Variants in NHEJ1 observed in about 807,000 individuals in gnomAD.
NHEJ1 encodes the protein non-homologous end joining factor 1.
NHEJ1 carries 22 observed loss-of-function variants against 39.4 expected under a neutral mutation model. That is an observed-to-expected ratio of 0.56 (90% CI 0.40 to 0.80). NHEJ1 has a LOEUF of 0.80. NHEJ1 is among the 30% of genes least tolerant of loss of function. NHEJ1 has a pLI of 0.00. For missense variants in NHEJ1, 329 were observed against 357.1 expected (o/e 0.92, Z 0.63); for synonymous variants, 154 against 135.6 (o/e 1.14, Z -0.94).
chr2:219,153,357 T>C (rs1024426244), intron 3 of NHEJ1, among the ~76,000 whole-genome samples: 4 of 152,212 alleles, frequency 2.6e-5, no homozygotes, highest in Admixed American at 2.6e-4. Flanking sequence ...TTCCAAAACC[T>C]ATCTCTTTCT....
intron 5 of NHEJ1, among the ~76,000 whole-genome samples, chr2:219,126,703 T>C (rs1346491162): frequency 6.6e-6 from 1 of 152,134 alleles, no homozygotes; most frequent in Non-Finnish European, 1.5e-5. Context: ...ACAGTGTTGA[T>C]ATGGCCTACG....
intron 5 of NHEJ1, among the ~76,000 whole-genome samples, chr2:219,109,315 C>T (rs1351926788): frequency 6.6e-6 from 1 of 152,150 alleles, no homozygotes; most frequent in Non-Finnish European, 1.5e-5. Flanking sequence ...CAATTCCCAG[C>T]CCCAAATGGT....
chr2:219,158,225 A>G lies in NHEJ1; in HGVS notation c.138T>C (p.His46=). 3 of 1,614,186 alleles carry G rather than the reference A, an allele frequency of 1.9e-6. No individual in the cohort carries two copies. Among genetic ancestry groups the G allele is most frequent in the East Asian group, 2.2e-5 (1 of 44,890 alleles). The change falls in exon 2 of 8, where the codon CAT becomes CAC. Residue 46 remains histidine, a synonymous_variant. Coordinates refer to ENST00000356853, the MANE Select transcript of NHEJ1 (RefSeq NM_024782.3). ...LLVSDLQQVW[H]EQVDTSVVSQ... Reference sequence around the variant, plus strand: ...TGACCACACTAGTGTCCACCTGTTCATGCCACACCTGTTGAAGATCTGAAA... The same window carrying G: ...TGACCACACTAGTGTCCACCTGTTCGTGCCACACCTGTTGAAGATCTGAAA...
At position 219,073,414 on chromosome 2, in the gene NHEJ1, G is replaced by C. The variant is rs991284795; in HGVS notation, c.*2967C>G. Among the ~76,000 whole-genome samples the C allele has an allele frequency of 1.3e-5, 2 of 152,160 alleles. No homozygotes were observed. The highest frequency in any genetic ancestry group is 2.4e-5 in the African/African-American group (1 of 41,434). ...TCTTTTAGGACCCAGCCTGAGCTCTGCTTTTAAGGGTTGCTGGGGAAGCCC... is the reference window on the plus strand; with the variant it reads ...TCTTTTAGGACCCAGCCTGAGCTCTCCTTTTAAGGGTTGCTGGGGAAGCCC... On this transcript the variant is annotated 3_prime_UTR_variant, in exon 8 of 8. Coordinates refer to ENST00000356853, the MANE Select transcript of NHEJ1 (RefSeq NM_024782.3).
rs146038524 is a variant in NHEJ1, at chr2:219,148,876, A to C, written c.391-1081T>G. Among the ~76,000 whole-genome samples, 37 of 151,124 alleles carry C rather than the reference A, an allele frequency of 2.4e-4. No homozygotes were observed. The East Asian group carries it at 6.6e-3, about 27-fold the overall frequency. On this transcript the variant is annotated intron_variant, in intron 3 of 7. Transcript: ENST00000356853. ...GAAGGTATAAGCCAACGCACTCTAC[A>C]CACAACCCCCCCTTTTTTTTTTTTG...
intron 5 of NHEJ1, among the ~76,000 whole-genome samples, chr2:219,144,526 G>C (rs561763729): frequency 6.6e-6 from 1 of 152,230 alleles, no homozygotes; most frequent in East Asian, 1.9e-4. Flanking sequence ...CTGACATCTA[G>C]AAGATTAATA....
At chr2:219,110,014 T>C (rs1430462919) in intron 5 of NHEJ1, among the ~76,000 whole-genome samples, 2 of 152,208 alleles carry the variant, frequency 1.3e-5, no homozygotes. Context: ...ATTGGGTATG[T>C]ACCCCCTATG....
chr2:219,123,603 G>C (rs1362952008), intron 5 of NHEJ1, among the ~76,000 whole-genome samples: 2 of 152,210 alleles, frequency 1.3e-5, no homozygotes, highest in Non-Finnish European at 2.9e-5. Context: ...GGCAGGTTAA[G>C]TAACCCCATG....
intron 5 of NHEJ1, among the ~76,000 whole-genome samples, chr2:219,095,102 G>A (rs1010353847): frequency 5.9e-5 from 9 of 152,162 alleles, no homozygotes; most frequent in Non-Finnish European, 1.0e-4. Flanking sequence ...CAAGGTATGT[G>A]GAAGACTGTA....
Position 219,073,272 on chromosome 2 carries a change from AT to A in NHEJ1, c.*3108del. Among the ~76,000 whole-genome samples, 1 of 152,332 alleles carries A rather than the reference AT, an allele frequency of 6.6e-6. No homozygotes were observed. The highest frequency in any genetic ancestry group is 2.1e-4 in the South Asian group (1 of 4,828). The stretch of plus-strand genomic sequence containing the variant: ...TTCGCTTCTCAGGAATCAGGGAAAG[AT>A]GGAGACTAGAAGCTTTCTTCCTGCC... On this transcript the variant is annotated 3_prime_UTR_variant, in exon 8 of 8. Coordinates refer to ENST00000356853, the MANE Select transcript of NHEJ1 (RefSeq NM_024782.3).
intron 5 of NHEJ1, among the ~76,000 whole-genome samples, chr2:219,080,478 T>C (rs1403544243): frequency 6.6e-6 from 1 of 151,036 alleles, no homozygotes; most frequent in Non-Finnish European, 1.5e-5. Flanking sequence ...TGAGCTGAGA[T>C]TGCGCCACTG....
intron 5 of NHEJ1, among the ~76,000 whole-genome samples, chr2:219,140,779 C>T (rs986503472): frequency 6.6e-6 from 1 of 152,094 alleles, no homozygotes; most frequent in African/African-American, 2.4e-5. Flanking sequence ...CAGGGTAAGA[C>T]CTACAGTGAA....
chr2:219,088,405 A>G (rs892957024), intron 5 of NHEJ1, among the ~76,000 whole-genome samples: 1 of 152,076 alleles, frequency 6.6e-6, no homozygotes, highest in Non-Finnish European at 1.5e-5. Flanking sequence ...AGGCAGGAGG[A>G]TTGCTTGAGC....
chr2:219,145,972 A>C (rs1949736021), intron 5 of NHEJ1, among the ~76,000 whole-genome samples: 1 of 152,160 alleles, frequency 6.6e-6, no homozygotes, highest in South Asian at 2.1e-4. Context: ...TGGGGCAATA[A>C]TACTAAGGTA....
chr2:219,097,171 T>C (rs1221378824), intron 5 of NHEJ1, among the ~76,000 whole-genome samples: 1 of 152,238 alleles, frequency 6.6e-6, no homozygotes, highest in African/African-American at 2.4e-5. Context: ...TAATGTTCTA[T>C]AGGTTAAGTG....
intron 5 of NHEJ1, among the ~76,000 whole-genome samples, chr2:219,086,284 T>A (rs999293122): frequency 6.6e-6 from 1 of 152,110 alleles, no homozygotes; most frequent in African/African-American, 2.4e-5. Context: ...CTTGAAGAGA[T>A]TAAGTAACTT....
At chr2:219,155,403 CA>C (rs1162503534) in intron 3 of NHEJ1, among the ~76,000 whole-genome samples, 5 of 151,624 alleles carry the variant, frequency 3.3e-5, no homozygotes, top group South Asian at 4.2e-4. Flanking sequence ...CCCATCTCTA[CA>C]AAAAATTTTT....
intron 5 of NHEJ1, among the ~76,000 whole-genome samples, chr2:219,097,549 T>A (rs1949220075): frequency 6.6e-6 from 1 of 152,158 alleles, no homozygotes; most frequent in African/African-American, 2.4e-5. Flanking sequence ...GCCTTCCAAG[T>A]AACTGGGACT....
chr2:219,131,444 G>A (rs1431371261), intron 5 of NHEJ1, among the ~76,000 whole-genome samples: 1 of 152,190 alleles, frequency 6.6e-6, no homozygotes, highest in Non-Finnish European at 1.5e-5. Context: ...ATCTTCGGCT[G>A]CTTTTTCCTG....
Sources: allele counts gnomAD v4.1 joint callset (sites outside exome capture counted in the v4.1 genomes callset), GRCh38; gene constraint gnomAD v4.1.1; transcripts MANE v1.5; gene names NCBI Gene and HGNC (gene_info 2026-07-23, HGNC 2026-07-21).